Variants in CACNA2D3 observed in about 807,000 individuals in gnomAD.
CACNA2D3 encodes the protein calcium voltage-gated channel auxiliary subunit alpha2delta 3.
A neutral mutation model predicts 160.6 loss-of-function variants in CACNA2D3; 60 were observed. The observed-to-expected ratio is 0.37, with a 90% confidence interval of 0.30 to 0.46. CACNA2D3 has a LOEUF of 0.46. Among genes scored for constraint, CACNA2D3 ranks in the 20% least tolerant of loss-of-function variants. CACNA2D3 has a pLI of 1.00. For missense variants in CACNA2D3, 1,205 were observed against 1,365.0 expected (o/e 0.88, Z 1.85); for synonymous variants, 558 against 492.9 (o/e 1.13, Z -1.75).
intron 29 of CACNA2D3, among the ~76,000 whole-genome samples, chr3:54,971,884 A>G (rs949064396): frequency 4.7e-4 from 72 of 152,230 alleles, no homozygotes; most frequent in Admixed American, 4.1e-3. Flanking sequence ...TCAACTATAC[A>G]ATGGGGATAG....
chr3:54,550,617 T>G (rs534950794), intron 5 of CACNA2D3, among the ~76,000 whole-genome samples: 1 of 152,266 alleles, frequency 6.6e-6, no homozygotes, highest in East Asian at 1.9e-4. Flanking sequence ...GGGAAATCAG[T>G]TTTAGTCTGC....
At chr3:54,686,853 G>A (rs549889509) in intron 11 of CACNA2D3, among the ~76,000 whole-genome samples, 95 of 152,204 alleles carry the variant, frequency 6.2e-4, no homozygotes, top group African/African-American at 2.2e-3. Flanking sequence ...TGATTTCAAG[G>A]CTCGAGAATT....
chr3:54,760,394 C>G (rs1056767710), intron 12 of CACNA2D3, among the ~76,000 whole-genome samples: 3 of 152,054 alleles, frequency 2.0e-5, no homozygotes, highest in African/African-American at 7.2e-5. Context: ...CAAGCCTGAA[C>G]AGTGAGCAAG....
chr3:54,737,182 A>ATGTGTGTG lies in CACNA2D3; in HGVS notation c.1168-15385_1168-15378dup, dbSNP rs4025817. ...TCATGAAGCTTATATCCATGTGTATATGTGTGTGTGTGTGTGTGTGTGTGT... is the reference window on the plus strand; with the variant it reads ...TCATGAAGCTTATATCCATGTGTATATGTGTGTGTGTGTGTGTGTGTGTGTGTGTGTGT... On this transcript the variant is annotated intron_variant, in intron 11 of 37. Transcript: ENST00000474759. 4.3e-3 allele frequency among the ~76,000 whole-genome samples: 641 copies of ATGTGTGTG among 147,580 alleles called. 3 individuals are homozygous for ATGTGTGTG. The highest frequency in any genetic ancestry group is 6.6e-3 in the Non-Finnish European group (442 of 67,060).
rs150510815 is a variant in CACNA2D3, at chr3:54,320,597, C to T, written c.321+39C>T. The stretch of plus-strand genomic sequence containing the variant: ...TTTTGTGCCCTGTATCGCCTGAAGG[C>T]ACAAAGGCAGCTTCAGGGGATGGCA... On this transcript the variant is annotated intron_variant, in intron 3 of 37. Transcript: ENST00000474759. 34,546 of 1,142,664 alleles carry T rather than the reference C, an allele frequency of 0.03. 653 individuals are homozygous for T. The highest frequency in any genetic ancestry group is 0.037 in the Non-Finnish European group (30,036 of 808,050). The allele number at this position is 1,142,664 out of a possible 1,614,324, so 70.8% of individuals were successfully genotyped here.
chr3:54,916,322 G>C (rs1700657696), intron 27 of CACNA2D3, among the ~76,000 whole-genome samples: 1 of 152,084 alleles, frequency 6.6e-6, no homozygotes, highest in African/African-American at 2.4e-5. Flanking sequence ...CAGGGCCATG[G>C]AAAGAAAGGT....
At chr3:54,833,514 A>ACC (rs958883646) in intron 14 of CACNA2D3, among the ~76,000 whole-genome samples, 1 of 150,910 alleles carries the variant, frequency 6.6e-6, no homozygotes, top group Non-Finnish European at 1.5e-5. Flanking sequence ...AAAAGCAGGG[A>ACC]CCCCCCTAGC....
intron 8 of CACNA2D3, among the ~76,000 whole-genome samples, chr3:54,581,062 C>T (rs1289093717): frequency 6.6e-6 from 1 of 152,178 alleles, no homozygotes; most frequent in Non-Finnish European, 1.5e-5. Context: ...TTCATCTGCA[C>T]AGCAATGGGA....
At chr3:55,066,891 C>G (rs990212) in intron 35 of CACNA2D3, among the ~76,000 whole-genome samples, 11,268 of 152,126 alleles carry the variant, frequency 0.074, 1,030 homozygotes, top group East Asian at 0.28. Context: ...GCCCCTCTGA[C>G]TATGATGTCA....
chr3:54,832,141 C>G (rs999267406), intron 14 of CACNA2D3, among the ~76,000 whole-genome samples: 1 of 152,008 alleles, frequency 6.6e-6, no homozygotes, highest in Non-Finnish European at 1.5e-5. Flanking sequence ...AGCTGACATT[C>G]TTATAGCCAT....
intron 27 of CACNA2D3, among the ~76,000 whole-genome samples, chr3:54,946,724 T>C (rs540150651): frequency 6.6e-6 from 1 of 151,932 alleles, no homozygotes; most frequent in South Asian, 2.1e-4. Context: ...ACTTCTCCAC[T>C]GGATGCAAAG....
In CACNA2D3 at chr3:54,247,337, T is replaced by C. The variant is rs553166985; in HGVS notation, c.205-73105T>C. Among the ~76,000 whole-genome samples the C allele has an allele frequency of 5.3e-5, 4 of 75,384 alleles. No homozygotes were observed. The East Asian group carries it at 9.0e-4, about 17-fold the overall frequency. The allele number at this position is 75,384 out of a possible 152,430, so 49.5% of individuals were successfully genotyped here. A position where few individuals can be genotyped will look rare whatever the true frequency, so the allele number is the denominator to read the frequency against. ...TCAAACAAACAAACAAACAAATAAA[T>C]AAAACCAAATCCCACTATTGTCAAA... is the stretch of plus-strand genomic sequence containing the variant. On this transcript the variant is annotated intron_variant, in intron 2 of 37. Transcript: ENST00000474759.
rs1279255395 is a variant in CACNA2D3, at chr3:54,849,206, C to G, written c.1626+2739C>G. ...TACTAGAGGTTCTATGTGAGTCCTA[C>G]CATGTGAAGAAACCAAGGTTGTTTG... is the stretch of plus-strand genomic sequence containing the variant. On this transcript the variant is annotated intron_variant, in intron 17 of 37. Coordinates refer to ENST00000474759, the MANE Select transcript of CACNA2D3 (RefSeq NM_018398.3). 5.9e-5 allele frequency among the ~76,000 whole-genome samples: 9 copies of G among 152,116 alleles called. No individual in the cohort carries two copies. The East Asian group carries it at 1.7e-3, about 29-fold the overall frequency.
chr3:54,519,783 T>C (rs887731556), intron 5 of CACNA2D3, among the ~76,000 whole-genome samples: 2 of 152,360 alleles, frequency 1.3e-5, no homozygotes, highest in East Asian at 3.9e-4. Context: ...TTGGTTTATA[T>C]TAGCTCAGCT....
intron 2 of CACNA2D3, among the ~76,000 whole-genome samples, chr3:54,263,392 T>A (rs1282469828): frequency 1.3e-5 from 2 of 152,212 alleles, no homozygotes; most frequent in East Asian, 3.8e-4. Flanking sequence ...ATCATTTAAT[T>A]ATGAGAGCAT....
chr3:54,193,104 G>A (rs1017547735), intron 2 of CACNA2D3, among the ~76,000 whole-genome samples: 25 of 152,204 alleles, frequency 1.6e-4, no homozygotes, highest in Admixed American at 1.6e-3. Context: ...TTGGAGAAGG[G>A]AACTTTTGTT....
chr3:54,403,213 G>A (rs1309337684), intron 4 of CACNA2D3, among the ~76,000 whole-genome samples: 1 of 151,974 alleles, frequency 6.6e-6, no homozygotes, highest in African/African-American at 2.4e-5. Flanking sequence ...AAAGTAGCCG[G>A]TCTTGGTGGC....
At chr3:54,663,133 G>T (rs1001704149) in intron 11 of CACNA2D3, among the ~76,000 whole-genome samples, 3 of 152,230 alleles carry the variant, frequency 2.0e-5, no homozygotes, top group Non-Finnish European at 2.9e-5. Flanking sequence ...GAATGTGAAA[G>T]TGCTTCAGAA....
intron 13 of CACNA2D3, among the ~76,000 whole-genome samples, chr3:54,802,501 A>T (rs1043303823): frequency 6.3e-4 from 96 of 152,218 alleles, no homozygotes; most frequent in Non-Finnish European, 1.1e-3. Context: ...CTGAGCAAAG[A>T]GTTACAGAAA....
Sources: gnomAD v4.1 joint callset for allele counts (sites outside exome capture counted in the v4.1 genomes callset) on GRCh38, gnomAD v4.1.1 for gene constraint, MANE v1.5 for transcripts, NCBI Gene and HGNC (gene_info 2026-07-23, HGNC 2026-07-21) for gene names.